Variants in FOXN3 observed in about 807,000 individuals in gnomAD.
The protein encoded by FOXN3 is forkhead box protein N3.
Under a neutral mutation model 38.4 loss-of-function variants are expected in FOXN3, and 7 were observed. The observed-to-expected ratio is 0.18, with a 90% CI of 0.10 to 0.34. FOXN3 has a LOEUF of 0.34. Among genes scored for constraint, FOXN3 ranks in the 10% least tolerant of loss-of-function variants. The pLI is 1.00. For synonymous variants in FOXN3, 230 were observed against 242.2 expected (o/e 0.95, Z 0.47); for missense variants, 456 against 613.4 (o/e 0.74, Z 2.71).
At position 89,367,068 on chromosome 14, in the gene FOXN3, A is replaced by G. The variant is rs144116955; in HGVS notation, c.544-16260T>C. On this transcript the variant is annotated intron_variant, in intron 2 of 5. Coordinates refer to ENST00000557258, the MANE Select transcript of FOXN3 (RefSeq NM_005197.4). ...TTTTTTATTTTAATAAATAATCATG[A>G]GCCCTTCTCTCTCAGTGAAACACAG... Among the ~76,000 whole-genome samples, 79 of 152,326 alleles carry G rather than the reference A, an allele frequency of 5.2e-4. No individual in the cohort carries two copies. The Middle Eastern group carries it at 0.01, about 20-fold the overall frequency.
chr14:89,611,579 G>A (rs538662020), intron 1 of FOXN3, among the ~76,000 whole-genome samples: 73 of 152,300 alleles, frequency 4.8e-4, no homozygotes, highest in Non-Finnish European at 9.3e-4. Context: ...GGCCAAGGCG[G>A]GCGGATCACA....
At chr14:89,527,652 C>T (rs1894459201) in intron 1 of FOXN3, among the ~76,000 whole-genome samples, 1 of 151,668 alleles carries the variant, frequency 6.6e-6, no homozygotes, top group Non-Finnish European at 1.5e-5. Context: ...TAAGGAAATG[C>T]CAATTAAATC....
At chr14:89,324,737 A>G (rs1051248181) in intron 3 of FOXN3, among the ~76,000 whole-genome samples, 9 of 152,198 alleles carry the variant, frequency 5.9e-5, no homozygotes, top group Admixed American at 5.9e-4. Context: ...ACAGCTGAGA[A>G]GGCAAAGAAG....
intron 4 of FOXN3, among the ~76,000 whole-genome samples, chr14:89,244,584 A>C (rs1381680971): frequency 6.6e-6 from 1 of 152,220 alleles, no homozygotes; most frequent in Non-Finnish European, 1.5e-5. Flanking sequence ...GCCCTTCAGG[A>C]TAAGACCAGT....
rs1887169820 is a variant in FOXN3 at position 89,163,816 on chromosome 14, A to G, written c.852-847T>C. On this transcript the variant is annotated intron_variant, in intron 5 of 5. Transcript: ENST00000557258. The surrounding 1 kb of genome is among the most constrained non-coding windows in gnomAD (Gnocchi z 4.3). Reference sequence around the variant, plus strand: ...TGTACTTAAAGTCACACAACTGATCACTTGCGGAGCAGGGACTGGAATCAA... The same window carrying G: ...TGTACTTAAAGTCACACAACTGATCGCTTGCGGAGCAGGGACTGGAATCAA... 1.3e-5 allele frequency among the ~76,000 whole-genome samples: 2 copies of G among 152,226 alleles called. No individual in the cohort carries two copies. Among genetic ancestry groups the G allele is most frequent in the African/African-American group, 4.8e-5 (2 of 41,450 alleles).
upstream of FOXN3, chr14:89,419,326 A>T: frequency 2.5e-6 from 1 of 404,290 alleles, no homozygotes; most frequent in South Asian, 1.8e-5. Context: ...CCACCTTCTA[A>T]TTCCATAGAA....
At chr14:89,486,168 C>T (rs192696236) in intron 1 of FOXN3, among the ~76,000 whole-genome samples, 1 of 152,266 alleles carries the variant, frequency 6.6e-6, no homozygotes, top group East Asian at 1.9e-4. Context: ...ATACTCAATA[C>T]TTATTGAACT....
At chr14:89,530,337 C>T (rs1460733516) in intron 1 of FOXN3, among the ~76,000 whole-genome samples, 5 of 152,160 alleles carry the variant, frequency 3.3e-5, no homozygotes, top group Non-Finnish European at 7.3e-5. Context: ...AAAGGAGAAG[C>T]AAAGGCATGT....
intron 1 of FOXN3, among the ~76,000 whole-genome samples, chr14:89,524,404 G>GAAAAAAAAAAAAAAAAAAAA (rs1894391517): frequency 7.8e-5 from 2 of 25,600 alleles, no homozygotes; most frequent in African/African-American, 1.8e-4. Flanking sequence ...AAAAAAAAAA[G>GAAAAAAAAAAAAAAAAAAAA]AAAGAAAGAA....
intron 4 of FOXN3, among the ~76,000 whole-genome samples, chr14:89,269,737 G>T (rs1332606215): frequency 6.6e-6 from 1 of 152,082 alleles, no homozygotes; most frequent in Admixed American, 6.6e-5. Context: ...ACCTCCCCCA[G>T]ATCACGCTAA....
intron 5 of FOXN3, among the ~76,000 whole-genome samples, chr14:89,168,667 T>C (rs1216072578): frequency 6.6e-6 from 1 of 151,976 alleles, no homozygotes; most frequent in Non-Finnish European, 1.5e-5. Flanking sequence ...GGAGTTCCAG[T>C]GAAAAGAAAG....
At chr14:89,211,421 T>C (rs1329916634) in intron 4 of FOXN3, among the ~76,000 whole-genome samples, 1 of 152,228 alleles carries the variant, frequency 6.6e-6, no homozygotes, top group African/African-American at 2.4e-5. Flanking sequence ...CTCATTAGTG[T>C]CCTGGGACCT....
chr14:89,233,317 G>A (rs1295304826), intron 4 of FOXN3, among the ~76,000 whole-genome samples: 3 of 152,034 alleles, frequency 2.0e-5, no homozygotes, highest in African/African-American at 7.2e-5. Context: ...AGGAAAGTCA[G>A]AAAAAGGCAA....
At chr14:89,459,097 A>T (rs948338257) in intron 1 of FOXN3, among the ~76,000 whole-genome samples, 1 of 152,218 alleles carries the variant, frequency 6.6e-6, no homozygotes, top group African/African-American at 2.4e-5. Context: ...GCATTCACAG[A>T]GAAACGTGCA....
chr14:89,387,430 C>T (rs537233785), intron 2 of FOXN3, among the ~76,000 whole-genome samples: 2 of 152,252 alleles, frequency 1.3e-5, no homozygotes, highest in East Asian at 3.9e-4. Flanking sequence ...GTGAGAAAGG[C>T]ATTATCCTCT....
intron 1 of FOXN3, among the ~76,000 whole-genome samples, chr14:89,580,633 T>C (rs1895722564): frequency 6.6e-6 from 1 of 152,170 alleles, no homozygotes; most frequent in African/African-American, 2.4e-5. Context: ...CCCTCCAGAA[T>C]TGAGGCAGCT....
At chr14:89,518,531 T>A (rs1166746220) in intron 1 of FOXN3, among the ~76,000 whole-genome samples, 1 of 152,176 alleles carries the variant, frequency 6.6e-6, no homozygotes, top group Non-Finnish European at 1.5e-5. Flanking sequence ...TATACTGTGT[T>A]CTCCCTCCTC....
chr14:89,546,329 C>CTTTTTTTTTTTTTTTTTTTTTTTTTTTTT lies in FOXN3; in HGVS notation c.-15+72698_-15+72699insAAAAAAAAAAAAAAAAAAAAAAAAAAAAA, dbSNP rs1157998619. 1.4e-4 allele frequency among the ~76,000 whole-genome samples: 11 copies of CTTTTTTTTTTTTTTTTTTTTTTTTTTTTT among 78,332 alleles called. 1 individual carries two copies. The highest frequency in any genetic ancestry group is 0.011 in the Middle Eastern group (1 of 88). 51.4% of individuals were successfully genotyped at this position (78,332 alleles called of 152,430 possible). ...TAGCTTCTTTTCTTTTTTCCTTTTT[C>CTTTTTTTTTTTTTTTTTTTTTTTTTTTTT]TTTTTTTTTTTTTTTTTTTGAGATG... On this transcript the variant is annotated intron_variant, in intron 1 of 6. Transcript: ENST00000345097.
intron 4 of FOXN3, among the ~76,000 whole-genome samples, chr14:89,258,825 T>A (rs1432771587): frequency 6.6e-6 from 1 of 152,232 alleles, no homozygotes; most frequent in Non-Finnish European, 1.5e-5. Flanking sequence ...TGCCCAGGTC[T>A]TTTCCTCTTT....
Sources: allele counts gnomAD v4.1 joint callset (sites outside exome capture counted in the v4.1 genomes callset), GRCh38; gene constraint gnomAD v4.1.1; non-coding constraint Gnocchi (gnomAD v3.1); transcripts MANE v1.5; gene names NCBI Gene and HGNC (gene_info 2026-07-23, HGNC 2026-07-21).